The following PCBP3 variants were observed in gnomAD, a reference collection of about 807,000 sequenced individuals.
The protein encoded by PCBP3 is poly(rC) binding protein 3, also known as poly(rC)-binding protein 3.
Under a neutral mutation model 52.7 loss-of-function variants are expected in PCBP3, and 25 were observed. The observed-to-expected ratio is 0.47, with a 90% CI of 0.35 to 0.66. The LOEUF (loss-of-function observed/expected upper bound fraction) is 0.66. PCBP3 is among the 30% of genes least tolerant of loss of function. PCBP3 has a pLI of 0.01. For synonymous variants in PCBP3, 162 were observed against 183.0 expected (o/e 0.89, Z 0.93); for missense variants, 391 against 490.3 (o/e 0.80, Z 1.91).
rs573974706 is a variant in PCBP3 at position 45,850,071 on chromosome 21, C to T, written c.-15C>T. The T allele has an allele frequency of 1.3e-6, 2 of 1,549,604 alleles. No individual in the cohort carries two copies. Among genetic ancestry groups the T allele is most frequent in the Admixed American group, 3.9e-5 (2 of 50,982 alleles). On this transcript the variant is annotated 5_prime_UTR_variant, in exon 5 of 18. Coordinates refer to ENST00000681687, the MANE Select transcript of PCBP3 (RefSeq NM_001384156.1). The stretch of plus-strand genomic sequence containing the variant: ...TTGCTGTCTATGGATCTGCTCTAAA[C>T]CTTATAGCCTGCTTATGGGGGAAGG...
rs2073649496 is a variant in PCBP3, at chr21:45,917,387, C to G, written c.676-201C>G. Reference sequence around the variant, plus strand: ...AACTGGCCAGCTCAGCTCTGCCCGCCCAGAGGAAGTGGGTGCGGCTCCCCT... The same window carrying G: ...AACTGGCCAGCTCAGCTCTGCCCGCGCAGAGGAAGTGGGTGCGGCTCCCCT... On this transcript the variant is annotated intron_variant, in intron 12 of 17. Coordinates refer to ENST00000681687, the MANE Select transcript of PCBP3 (RefSeq NM_001384156.1). The surrounding 1 kb of genome is among the most constrained non-coding windows in gnomAD (Gnocchi z 5.3). 1.3e-5 allele frequency: 7 copies of G among 519,744 alleles called. No individual in the cohort carries two copies. The South Asian group carries it at 1.5e-4, about 11-fold the overall frequency. The allele number at this position is 519,744 out of a possible 1,614,324, so 32.2% of individuals were successfully genotyped here.
At position 45,784,397 on chromosome 21, in the gene PCBP3, GCTACCT is replaced by G. The variant is rs1203919271; in HGVS notation, c.-126+28951_-126+28956del. Reference sequence around the variant, plus strand: ...CTCTACCTCTACCTCTACCTCTACCGCTACCTCTACCGCTACCGCTACCCCTACCTC... The same window carrying G: ...CTCTACCTCTACCTCTACCTCTACCGCTACCGCTACCGCTACCCCTACCTC... On this transcript the variant is annotated intron_variant, in intron 4 of 17. Transcript: ENST00000681687. Among the ~76,000 whole-genome samples, 498 of 70,348 alleles carry G rather than the reference GCTACCT, an allele frequency of 7.1e-3. 9 individuals are homozygous for G. Among genetic ancestry groups the G allele is most frequent in the African/African-American group, 0.027 (404 of 14,792 alleles). 46.2% of individuals were successfully genotyped at this position (70,348 alleles called of 152,430 possible).
intron 4 of PCBP3, among the ~76,000 whole-genome samples, chr21:45,780,354 G>A (rs1278161448): frequency 6.6e-6 from 1 of 152,180 alleles, no homozygotes; most frequent in African/African-American, 2.4e-5. Context: ...TCTCTCTCTG[G>A]AAAGAGGTTA....
chr21:45,851,554 TG>T (rs757463110), intron 5 of PCBP3, among the ~76,000 whole-genome samples: 1 of 151,826 alleles, frequency 6.6e-6, no homozygotes, highest in Non-Finnish European at 1.5e-5. Context: ...TGACAGTCGA[TG>T]GAACAGAATA....
At position 45,788,768 on chromosome 21, in the gene PCBP3, G is replaced by A. The variant is rs1164377231; in HGVS notation, c.-126+33316G>A. The A allele has an allele frequency of 6.6e-6, 1 of 152,174 alleles. No individual in the cohort carries two copies. Among genetic ancestry groups the A allele is most frequent in the African/African-American group, 2.4e-5 (1 of 41,438 alleles). The allele number at this position is 152,174 out of a possible 1,614,324, so 9.4% of individuals were successfully genotyped here. A position where few individuals can be genotyped will look rare whatever the true frequency, so the allele number is the denominator to read the frequency against. ...ATTTGTAGTGGAATGAGAAAAAAAA[G>A]TTGTATTTCTTAAACAACATGATCT... On this transcript the variant is annotated intron_variant, in intron 4 of 17. Transcript: ENST00000681687. The surrounding 1 kb of genome is among the most constrained non-coding windows in gnomAD (Gnocchi z 4.3).
intron 4 of PCBP3, chr21:45,763,684 C>T (rs2088960274): frequency 6.6e-6 from 1 of 152,342 alleles, no homozygotes; most frequent in Non-Finnish European, 1.5e-5. Context: ...GTGGCAGAGC[C>T]AGGGCCGCGC....
rs1569135154 is a variant in PCBP3 at position 45,704,987 on chromosome 21, C to CT, written c.-199-30399dup. ...GAGCCCATCTTGGGGAGGTGTGCCT[C>CT]TTTTTTCTGGCTTCGGTGTGCTGAT... On this transcript the variant is annotated intron_variant, in intron 2 of 17. Transcript: ENST00000681687. The surrounding 1 kb of genome is among the most constrained non-coding windows in gnomAD (Gnocchi z 4.1). 6.6e-6 allele frequency among the ~76,000 whole-genome samples: 1 copy of CT among 152,172 alleles called. No individual in the cohort carries two copies. Among genetic ancestry groups the CT allele is most frequent in the Non-Finnish European group, 1.5e-5 (1 of 68,024 alleles).
rs1015785339 is a variant in PCBP3, at chr21:45,802,083, G to T, written c.-126+46631G>T. ...TGATTCAGCAGTGACTTCTGGGCTG[G>T]GTGGTTAGCGGGGCTCCCTCCTTTA... On this transcript the variant is annotated intron_variant, in intron 4 of 17. Transcript: ENST00000681687. The surrounding 1 kb of genome is among the most constrained non-coding windows in gnomAD (Gnocchi z 5.1). Among the ~76,000 whole-genome samples the T allele has an allele frequency of 1.3e-5, 2 of 152,172 alleles. No homozygotes were observed. Among genetic ancestry groups the T allele is most frequent in the East Asian group, 3.8e-4 (2 of 5,196 alleles).
At position 45,732,939 on chromosome 21, in the gene PCBP3, C is replaced by T. The variant is rs373291030; in HGVS notation, c.-199-2453C>T. Reference sequence around the variant, plus strand: ...TGAGCCACTCTGCCCTGCCTTTTGTCATTATTTTTTAAAATATGTTTTTGG... The same window carrying T: ...TGAGCCACTCTGCCCTGCCTTTTGTTATTATTTTTTAAAATATGTTTTTGG... On this transcript the variant is annotated intron_variant, in intron 2 of 17. Coordinates refer to ENST00000681687, the MANE Select transcript of PCBP3 (RefSeq NM_001384156.1). 9.9e-5 allele frequency among the ~76,000 whole-genome samples: 15 copies of T among 152,166 alleles called. No individual in the cohort carries two copies. The East Asian group carries it at 2.7e-3, about 27-fold the overall frequency.
At chr21:45,792,997 A>G (rs1420112585) in intron 4 of PCBP3, among the ~76,000 whole-genome samples, 1 of 152,226 alleles carries the variant, frequency 6.6e-6, no homozygotes, top group Non-Finnish European at 1.5e-5. Flanking sequence ...CCCGAGGCTG[A>G]CCAAAGTAGA....
chr21:45,698,881 G>A (rs1179095596), intron 2 of PCBP3, among the ~76,000 whole-genome samples: 2 of 152,318 alleles, frequency 1.3e-5, no homozygotes, highest in East Asian at 1.9e-4. Flanking sequence ...GCTGTGGGGT[G>A]TGTTCTTAGC....
At chr21:45,684,773 T>A (rs1188020324) in intron 2 of PCBP3, among the ~76,000 whole-genome samples, 1 of 152,192 alleles carries the variant, frequency 6.6e-6, no homozygotes, top group Non-Finnish European at 1.5e-5. Context: ...AATTGCCCAG[T>A]CTCAGATATT....
intron 5 of PCBP3, among the ~76,000 whole-genome samples, chr21:45,855,770 C>T (rs149399776): frequency 2.6e-5 from 4 of 152,356 alleles, no homozygotes; most frequent in Non-Finnish European, 5.9e-5. Context: ...AGGCACAGAA[C>T]GCGCTGCAGA....
intron 5 of PCBP3, among the ~76,000 whole-genome samples, chr21:45,892,098 A>C (rs1377368438): frequency 6.6e-6 from 1 of 152,022 alleles, no homozygotes; most frequent in African/African-American, 2.4e-5. Flanking sequence ...GGGAGTAGGG[A>C]GGGGAAGGGT....
intron 3 of PCBP3, chr21:45,750,996 A>T (rs2087436825): frequency 6.6e-6 from 1 of 152,148 alleles, no homozygotes; most frequent in Admixed American, 6.5e-5. Flanking sequence ...CCCCTTGTAC[A>T]TGACAGTGAT....
intron 5 of PCBP3, among the ~76,000 whole-genome samples, chr21:45,851,784 G>C (rs962685152): frequency 6.6e-6 from 1 of 152,212 alleles, no homozygotes; most frequent in Non-Finnish European, 1.5e-5. Flanking sequence ...AGAAGAAATA[G>C]AGAACTTGGA....
intron 1 of PCBP3, among the ~76,000 whole-genome samples, chr21:45,648,237 G>C (rs2079448779): frequency 6.6e-6 from 1 of 152,206 alleles, no homozygotes; most frequent in African/African-American, 2.4e-5. Flanking sequence ...ACAGCAGTAA[G>C]AAACCGATAA....
In PCBP3 at chr21:45,785,445, C is replaced by T. The variant is rs539946128; in HGVS notation, c.-126+29993C>T. On this transcript the variant is annotated intron_variant, in intron 4 of 17. Coordinates refer to ENST00000681687, the MANE Select transcript of PCBP3 (RefSeq NM_001384156.1). ...TGAGGAGCCCCTCTGCCTGGCCAGC[C>T]GCCCCGTCTGGGAGGAGGTGGGGGG... Among the ~76,000 whole-genome samples the T allele has an allele frequency of 7.6e-4, 110 of 145,506 alleles. 4 individuals carry two copies. Among genetic ancestry groups the T allele is most frequent in the African/African-American group, 2.6e-3 (102 of 38,976 alleles).
intron 5 of PCBP3, among the ~76,000 whole-genome samples, chr21:45,878,774 A>C: frequency 6.6e-6 from 1 of 152,178 alleles, no homozygotes; most frequent in East Asian, 1.9e-4. Flanking sequence ...CCAGAGGACA[A>C]CTCGACGTCC....
Sources: allele counts gnomAD v4.1 joint callset (sites outside exome capture counted in the v4.1 genomes callset), GRCh38; gene constraint gnomAD v4.1.1; non-coding constraint Gnocchi (gnomAD v3.1); transcripts MANE v1.5; gene names NCBI Gene and HGNC (gene_info 2026-07-23, HGNC 2026-07-21).